The following THSD4 variants were observed in gnomAD, a reference collection of about 807,000 sequenced individuals.
THSD4 encodes thrombospondin type-1 domain-containing protein 4.
Under a neutral mutation model 119.0 loss-of-function variants are expected in THSD4, and 69 were observed. That is an observed-to-expected ratio of 0.58 (90% CI 0.48 to 0.71). The LOEUF (loss-of-function observed/expected upper bound fraction) is 0.71. THSD4 is among the 30% of genes least tolerant of loss of function. The pLI, the probability that THSD4 is intolerant of heterozygous loss-of-function variation, is 0.00. For missense variants in THSD4, 1,393 were observed against 1,391.1 expected, an observed-to-expected ratio of 1.00 and a Z score of -0.02; for synonymous variants, 524 against 540.4, an observed-to-expected ratio of 0.97 and a Z score of 0.42.
intron 7 of THSD4, among the ~76,000 whole-genome samples, chr15:71,436,189 GATCA>G (rs1566981913): frequency 3.3e-5 from 5 of 152,148 alleles, no homozygotes; most frequent in Non-Finnish European, 7.3e-5. Context: ...AGTCTGTGGA[GATCA>G]GCTCAGACAA....
chr15:71,433,876 G>C (rs928091322), intron 7 of THSD4, among the ~76,000 whole-genome samples: 10 of 152,106 alleles, frequency 6.6e-5, no homozygotes, highest in South Asian at 6.2e-4. Flanking sequence ...AAAATCCAGA[G>C]GCTCAAAACC....
At chr15:71,540,898 A>T (rs1233827232) in intron 7 of THSD4, among the ~76,000 whole-genome samples, 74 of 131,272 alleles carry the variant, frequency 5.6e-4, no homozygotes, top group Middle Eastern at 5.6e-3. Context: ...AATGTTCGTA[A>T]TTTTAGTAGA....
intron 8 of THSD4, among the ~76,000 whole-genome samples, chr15:71,683,531 AG>A (rs2051841325): frequency 6.6e-6 from 1 of 152,188 alleles, no homozygotes; most frequent in African/African-American, 2.4e-5. Context: ...AAACAGGGGA[AG>A]AGGAGAATGA....
intron 3 of THSD4, among the ~76,000 whole-genome samples, chr15:71,193,738 C>T (rs182221613): frequency 9.2e-5 from 14 of 152,166 alleles, no homozygotes; most frequent in South Asian, 2.1e-4. Context: ...GACGGAGTCT[C>T]GCTCTGTTGC....
chr15:71,386,500 A>C (rs2046294971), intron 6 of THSD4, among the ~76,000 whole-genome samples: 1 of 151,882 alleles, frequency 6.6e-6, no homozygotes, highest in African/African-American at 2.4e-5. Context: ...GAGAAAAGGG[A>C]AAAGGGGCAT....
intron 7 of THSD4, among the ~76,000 whole-genome samples, chr15:71,563,088 G>C (rs991703562): frequency 1.3e-5 from 2 of 152,172 alleles, no homozygotes; most frequent in African/African-American, 4.8e-5. Flanking sequence ...CTCCCAGTAA[G>C]CCTGTAAGCA....
At chr15:71,741,522 G>A (rs1424844775) in intron 11 of THSD4, among the ~76,000 whole-genome samples, 1 of 151,996 alleles carries the variant, frequency 6.6e-6, no homozygotes, top group African/African-American at 2.4e-5. Flanking sequence ...CAAAAAAACT[G>A]AACAATCTCT....
At chr15:71,663,023 A>C (rs564699604) in intron 8 of THSD4, among the ~76,000 whole-genome samples, 1 of 152,248 alleles carries the variant, frequency 6.6e-6, no homozygotes, top group East Asian at 1.9e-4. Context: ...CCAAGGCAGG[A>C]GGACTGCTTG....
At chr15:71,625,643 T>C (rs1423398551) in intron 7 of THSD4, among the ~76,000 whole-genome samples, 1 of 152,192 alleles carries the variant, frequency 6.6e-6, no homozygotes, top group Non-Finnish European at 1.5e-5. Context: ...TCTTGACAAA[T>C]AGCAAATAAG....
Position 71,777,320 on chromosome 15 carries a change from T to C in THSD4, c.3003T>C (p.Cys1001=), listed in dbSNP as rs756441119. ...CVYNYYKTAC[C]ASCTRVANRQ... Reference sequence around the variant, plus strand: ...ACAACTACTACAAGACCGCCTGCTGTGCCTCCTGCACCCGTGTGGCCAACA... The same window carrying C: ...ACAACTACTACAAGACCGCCTGCTGCGCCTCCTGCACCCGTGTGGCCAACA... Residue 1001 remains cysteine (C), a synonymous_variant, in exon 18 of 18, where the codon TGT becomes TGC. Coordinates refer to ENST00000261862, the MANE Select transcript of THSD4 (RefSeq NM_024817.3). 4 of 1,614,106 alleles carry C rather than the reference T, an allele frequency of 2.5e-6. No individual in the cohort carries two copies. Among genetic ancestry groups the C allele is most frequent in the Admixed American group, 1.7e-5 (1 of 60,012 alleles).
At chr15:71,284,986 GTC>G (rs1303829521) in intron 6 of THSD4, among the ~76,000 whole-genome samples, 1 of 152,118 alleles carries the variant, frequency 6.6e-6, no homozygotes, top group Non-Finnish European at 1.5e-5. Flanking sequence ...TTCAACCACT[GTC>G]TGCATTGACT....
intron 6 of THSD4, among the ~76,000 whole-genome samples, chr15:71,327,651 GA>G (rs961860274): frequency 4.0e-5 from 6 of 150,076 alleles, no homozygotes; most frequent in South Asian, 2.1e-4. Context: ...ACCCACTGTG[GA>G]AAAAAAAATT....
intron 7 of THSD4, among the ~76,000 whole-genome samples, chr15:71,655,232 A>G (rs2051166455): frequency 6.6e-6 from 1 of 152,210 alleles, no homozygotes. Flanking sequence ...GGTAGATCAG[A>G]GAGTAGATGT....
chr15:71,668,743 C>G (rs971527943), intron 8 of THSD4, among the ~76,000 whole-genome samples: 3 of 152,182 alleles, frequency 2.0e-5, no homozygotes, highest in Non-Finnish European at 4.4e-5. Flanking sequence ...ACAACGTGCA[C>G]AGGGTTCTCA....
In THSD4 at chr15:71,504,310, T is replaced by C. The variant is rs186706819; in HGVS notation, c.1152+92487T>C. On this transcript the variant is annotated intron_variant, in intron 7 of 17. Transcript: ENST00000261862. ...TTGAAGAAATCCATGAGGGAATGAA[T>C]GAATGTGTGCATGTGGGATTAAGGA... Among the ~76,000 whole-genome samples, 7 of 152,274 alleles carry C rather than the reference T, an allele frequency of 4.6e-5. No individual in the cohort carries two copies. The East Asian group carries it at 1.4e-3, about 29-fold the overall frequency.
intron 5 of THSD4, among the ~76,000 whole-genome samples, chr15:71,247,397 G>A (rs2044214356): frequency 6.6e-6 from 1 of 152,150 alleles, no homozygotes; most frequent in Non-Finnish European, 1.5e-5. Context: ...ACTGAGATGC[G>A]AGCAGGCTCT....
At chr15:71,211,547 C>T (rs1368544456) in intron 3 of THSD4, among the ~76,000 whole-genome samples, 1 of 152,064 alleles carries the variant, frequency 6.6e-6, no homozygotes, top group African/African-American at 2.4e-5. Flanking sequence ...CCCTCATGAC[C>T]TCATCTAAAC....
At chr15:71,306,793 T>A (rs1180845684) in intron 6 of THSD4, among the ~76,000 whole-genome samples, 1 of 152,226 alleles carries the variant, frequency 6.6e-6, no homozygotes, top group Non-Finnish European at 1.5e-5. Context: ...AACATAAAAT[T>A]GCTTAACCTT....
chr15:71,180,287 A>T (rs1174148748), intron 3 of THSD4, among the ~76,000 whole-genome samples: 1 of 152,214 alleles, frequency 6.6e-6, no homozygotes, highest in Admixed American at 6.5e-5. Context: ...TAGAGAACTT[A>T]CAAAATTCAA....
Sources: gnomAD v4.1 joint callset for allele counts (sites outside exome capture counted in the v4.1 genomes callset) on GRCh38, gnomAD v4.1.1 for gene constraint, MANE v1.5 for transcripts, NCBI Gene and HGNC (gene_info 2026-07-23, HGNC 2026-07-21) for gene names.